TOX: variants seen among roughly 807,000 people sequenced by gnomAD.
TOX encodes the protein thymocyte selection-associated high mobility group box protein TOX.
In TOX, 11 loss-of-function variants were observed where a neutral mutation model predicts 53.7. The observed-to-expected ratio is 0.20, with a 90% CI of 0.13 to 0.34. The LOEUF (loss-of-function observed/expected upper bound fraction) is 0.34, where lower values mean the gene tolerates loss of function less well. Ranked by LOEUF, TOX falls within the 10% of genes least tolerant of loss-of-function variation. The probability of loss-of-function intolerance (pLI) is 1.00; values close to 1 mark genes in which losing one functional copy is unlikely to be tolerated. For missense variants in TOX, 570 were observed against 664.6 expected (o/e 0.86, Z 1.56); for synonymous variants, 225 against 245.3 (o/e 0.92, Z 0.77).
At chr8:58,970,166 T>C (rs1320919443) in intron 1 of TOX, among the ~76,000 whole-genome samples, 4 of 152,154 alleles carry the variant, frequency 2.6e-5, no homozygotes, top group Non-Finnish European at 5.9e-5. Flanking sequence ...CCACAGTCAG[T>C]CAGTTTCCAC....
intron 2 of TOX, among the ~76,000 whole-genome samples, chr8:58,954,366 T>C (rs528585538): frequency 9.8e-5 from 15 of 152,290 alleles, no homozygotes; most frequent in African/African-American, 3.6e-4. Context: ...GATTAAAAAA[T>C]GTACATAAAA....
At chr8:58,884,841 CTTAATA>C (rs1811440613) in intron 3 of TOX, among the ~76,000 whole-genome samples, 2 of 152,104 alleles carry the variant, frequency 1.3e-5, no homozygotes. Context: ...CAATCACTTC[CTTAATA>C]TTATTTGCAT....
At chr8:58,907,239 C>T (rs1230125935) in intron 3 of TOX, among the ~76,000 whole-genome samples, 1 of 152,134 alleles carries the variant, frequency 6.6e-6, no homozygotes, top group South Asian at 2.1e-4. Context: ...GGATGTACAT[C>T]AAATGTGTCT....
At chr8:58,833,361 A>T (rs1379855950) in intron 5 of TOX, among the ~76,000 whole-genome samples, 2 of 152,234 alleles carry the variant, frequency 1.3e-5, no homozygotes, top group Non-Finnish European at 2.9e-5. Context: ...TCTTTGGACC[A>T]ACCCTTTCTG....
At chr8:58,975,975 G>C (rs1813090894) in intron 1 of TOX, among the ~76,000 whole-genome samples, 1 of 152,114 alleles carries the variant, frequency 6.6e-6, no homozygotes, top group African/African-American at 2.4e-5. Flanking sequence ...AGGAGGCTGA[G>C]GCAAGAGAAT....
intron 1 of TOX, among the ~76,000 whole-genome samples, chr8:59,082,828 T>G (rs1804433406): frequency 1.3e-5 from 2 of 152,242 alleles, no homozygotes; most frequent in African/African-American, 4.8e-5. Flanking sequence ...GGAATCTGTG[T>G]GATTTCTGTA....
chr8:58,937,042 A>T (rs754916443), intron 3 of TOX, among the ~76,000 whole-genome samples: 37 of 152,158 alleles, frequency 2.4e-4, no homozygotes, highest in Non-Finnish European at 5.1e-4. Context: ...AACCTTACCC[A>T]CTGTCTCACC....
intron 3 of TOX, among the ~76,000 whole-genome samples, chr8:58,853,446 G>C (rs905797858): frequency 1.3e-5 from 2 of 152,114 alleles, no homozygotes; most frequent in Non-Finnish European, 2.9e-5. Flanking sequence ...AACTGGGAGG[G>C]GGTGATGATA....
Position 58,838,197 on chromosome 8 carries a change from A to G in TOX, c.808T>C (p.Leu270=). 6.2e-7 allele frequency: 1 copy of G among 1,614,178 alleles called. No homozygotes were observed. The highest frequency in any genetic ancestry group is 1.1e-5 in the South Asian group (1 of 91,076). Residue 270 remains leucine, a synonymous_variant, in exon 5 of 9, where the codon TTA becomes CTA. Coordinates refer to ENST00000361421, the MANE Select transcript of TOX (RefSeq NM_014729.3). The part of the protein sequence containing the change: ...EPQKPVSAYA[L]FFRDTQAAIK... ...GCGGCCTGAGTATCACGAAAGAATA[A>G]CGCATAGGCAGACACAGGCTTCTGG...
intron 1 of TOX, among the ~76,000 whole-genome samples, chr8:58,984,569 G>T (rs1813287212): frequency 6.6e-6 from 1 of 151,962 alleles, no homozygotes; most frequent in South Asian, 2.1e-4. Context: ...GAGGCGGGCA[G>T]ATCACAAGGT....
At chr8:59,095,898 ATCAG>A (rs1454648147) in intron 1 of TOX, among the ~76,000 whole-genome samples, 2 of 152,130 alleles carry the variant, frequency 1.3e-5, no homozygotes, top group South Asian at 4.1e-4. Context: ...AGGTATTTGA[ATCAG>A]TCATTCATTT....
At chr8:58,997,189 C>A (rs1813575639) in intron 1 of TOX, among the ~76,000 whole-genome samples, 1 of 152,182 alleles carries the variant, frequency 6.6e-6, no homozygotes, top group South Asian at 2.1e-4. Flanking sequence ...CATCAGAAAG[C>A]TGTAGCAGTC....
chr8:58,985,472 T>G (rs7833621), intron 1 of TOX, among the ~76,000 whole-genome samples: 12,661 of 152,164 alleles, frequency 0.083, 667 homozygotes, highest in Middle Eastern at 0.17. Context: ...AGACAGAAAG[T>G]AGAATGGCAG....
At chr8:58,956,589 A>AT (rs1265249527) in intron 2 of TOX, among the ~76,000 whole-genome samples, 1 of 152,154 alleles carries the variant, frequency 6.6e-6, no homozygotes, top group East Asian at 1.9e-4. Context: ...CTTAGCAAAC[A>AT]TCCCAAATAC....
At chr8:58,839,316 C>A (rs907747761) in intron 4 of TOX, among the ~76,000 whole-genome samples, 4 of 152,156 alleles carry the variant, frequency 2.6e-5, no homozygotes, top group Non-Finnish European at 5.9e-5. Flanking sequence ...ATTTAAATAG[C>A]TACATATGAC....
intron 1 of TOX, among the ~76,000 whole-genome samples, chr8:58,984,782 CAAAAAA>C (rs11364474): frequency 2.6e-5 from 2 of 77,402 alleles, no homozygotes; most frequent in Admixed American, 1.7e-4. Flanking sequence ...GACTCCGTCT[CAAAAAA>C]AAAAAAAAAA....
chr8:59,113,615 G>C (rs1805056339), intron 1 of TOX, among the ~76,000 whole-genome samples: 1 of 152,202 alleles, frequency 6.6e-6, no homozygotes, highest in Non-Finnish European at 1.5e-5. Flanking sequence ...ATGGTGATTA[G>C]TATCCAGTGG....
intron 1 of TOX, among the ~76,000 whole-genome samples, chr8:59,065,413 T>G (rs1804071962): frequency 6.6e-6 from 1 of 152,178 alleles, no homozygotes; most frequent in East Asian, 1.9e-4. Context: ...CATGTAAAAT[T>G]AATACAAAGC....
intron 1 of TOX, among the ~76,000 whole-genome samples, chr8:58,961,849 A>T (rs1397804637): frequency 6.6e-6 from 1 of 152,124 alleles, no homozygotes; most frequent in Non-Finnish European, 1.5e-5. Flanking sequence ...GCCAGCCCCA[A>T]CCAATCTGCC....
Sources: gnomAD v4.1 joint callset for allele counts (sites outside exome capture counted in the v4.1 genomes callset) on GRCh38, gnomAD v4.1.1 for gene constraint, MANE v1.5 for transcripts, NCBI Gene and HGNC (gene_info 2026-07-23, HGNC 2026-07-21) for gene names.